Variants in GLRA2 observed in about 807,000 individuals in gnomAD.
The protein encoded by GLRA2 is glycine receptor subunit alpha-2.
GLRA2 carries 11 observed loss-of-function variants against 31.6 expected under a neutral mutation model. The observed-to-expected ratio is 0.35, with a 90% CI of 0.22 to 0.58. The LOEUF (loss-of-function observed/expected upper bound fraction) is 0.58. Among genes scored for constraint, GLRA2 ranks in the 20% least tolerant of loss-of-function variants. GLRA2 has a pLI of 0.84. For synonymous variants in GLRA2, 132 were observed against 134.0 expected, an observed-to-expected ratio of 0.99 and a Z score of 0.10; for missense variants, 212 against 351.8, an observed-to-expected ratio of 0.60 and a Z score of 3.18.
chrX:14,714,527 G>A (rs752825954), intron 8 of GLRA2, among the ~76,000 whole-genome samples: 5 of 111,608 alleles, frequency 4.5e-5, no homozygotes, highest in African/African-American at 1.6e-4. Flanking sequence ...TCCCTATGCC[G>A]CCACCCCAGC....
chrX:14,713,321 G>A (rs2091739470), intron 8 of GLRA2, among the ~76,000 whole-genome samples: 1 of 112,196 alleles, frequency 8.9e-6, no homozygotes, highest in South Asian at 3.7e-4. Flanking sequence ...TCATACTCCA[G>A]ATGGAAGATG....
intron 7 of GLRA2, among the ~76,000 whole-genome samples, chrX:14,612,659 T>A (rs1186713545): frequency 9.0e-6 from 1 of 110,626 alleles, no homozygotes; most frequent in East Asian, 2.9e-4. Flanking sequence ...AAAGGATGAG[T>A]TCATATCCTT....
At chrX:14,550,972 C>T (rs1177829448) in intron 2 of GLRA2, among the ~76,000 whole-genome samples, 1 of 111,871 alleles carries the variant, frequency 8.9e-6, no homozygotes, top group East Asian at 2.8e-4. Flanking sequence ...TTAATAATAA[C>T]ATTGTTGGTT....
chrX:14,564,536 G>A (rs759589734), intron 2 of GLRA2, among the ~76,000 whole-genome samples: 2 of 112,007 alleles, frequency 1.8e-5, no homozygotes, highest in South Asian at 7.4e-4. Context: ...CTCCAGTAAA[G>A]GTAAATGTAT....
At chrX:14,601,692 T>G (rs752922669) in intron 4 of GLRA2, among the ~76,000 whole-genome samples, 1 of 112,027 alleles carries the variant, frequency 8.9e-6, no homozygotes, top group African/African-American at 3.2e-5. Flanking sequence ...CAGCGTGGAT[T>G]CTTTGTCTAA....
Position 14,652,465 on chromosome X carries a change from G to A in GLRA2, c.931-38245G>A, listed in dbSNP as rs148692470. On this transcript the variant is annotated intron_variant, in intron 7 of 8. Coordinates refer to ENST00000218075, the MANE Select transcript of GLRA2 (RefSeq NM_002063.4). ...ATTTTCTACAAATTGAAGATTTGTC[G>A]CAACCCTGCACCAAGCAAGTCTATA... 7.2e-3 allele frequency among the ~76,000 whole-genome samples: 795 copies of A among 111,050 alleles called. 8 individuals carry two copies. The highest frequency in any genetic ancestry group is 0.025 in the African/African-American group (753 of 30,547).
At chrX:14,645,499 C>T (rs981748996) in intron 7 of GLRA2, among the ~76,000 whole-genome samples, 1 of 111,346 alleles carries the variant, frequency 9.0e-6, no homozygotes, top group Non-Finnish European at 1.9e-5. Context: ...TCTATGTTCC[C>T]TCCTTTCCTC....
intron 3 of GLRA2, 44 bp downstream of exon 3, chrX:14,574,444 T>G: frequency 8.6e-7 from 1 of 1,156,223 alleles, no homozygotes; most frequent in Non-Finnish European, 1.2e-6. Flanking sequence ...CACAACTCAA[T>G]TATGCTGTGA....
At chrX:14,592,570 G>A (rs990317088) in intron 4 of GLRA2, among the ~76,000 whole-genome samples, 1 of 111,248 alleles carries the variant, frequency 9.0e-6, no homozygotes, top group African/African-American at 3.3e-5. Flanking sequence ...TACTTAGGGG[G>A]CTGAGGCAGG....
chrX:14,667,061 T>C (rs2091044540), intron 7 of GLRA2, among the ~76,000 whole-genome samples: 1 of 112,421 alleles, frequency 8.9e-6, no homozygotes, highest in Non-Finnish European at 1.9e-5. Flanking sequence ...GGTGATTTGT[T>C]GACTTATTGC....
chrX:14,476,352 A>C, the GLRA2 span, among the ~76,000 whole-genome samples: 1 of 111,947 alleles, frequency 8.9e-6, no homozygotes, highest in Non-Finnish European at 1.9e-5. Flanking sequence ...TGTAATGAAC[A>C]TATTGGATTC....
intron 2 of GLRA2, among the ~76,000 whole-genome samples, chrX:14,572,096 A>G (rs1481500759): frequency 8.9e-6 from 1 of 111,985 alleles, no homozygotes; most frequent in African/African-American, 3.2e-5. Context: ...CACTTAGCAC[A>G]GTGCAGCAAT....
At chrX:14,606,221 C>T (rs886136174) in intron 5 of GLRA2, among the ~76,000 whole-genome samples, 28 of 107,656 alleles carry the variant, frequency 2.6e-4, no homozygotes, top group African/African-American at 8.8e-4. Flanking sequence ...TATCCTCTGT[C>T]CTCATCACTC....
At chrX:14,566,440 C>G (rs958543669) in intron 2 of GLRA2, among the ~76,000 whole-genome samples, 27 of 111,989 alleles carry the variant, frequency 2.4e-4, no homozygotes, top group African/African-American at 7.5e-4. Flanking sequence ...TTAACTCATT[C>G]TATGAGTCCA....
the GLRA2 span, among the ~76,000 whole-genome samples, chrX:14,488,588 C>T: frequency 6.2e-5 from 7 of 112,397 alleles, no homozygotes; most frequent in African/African-American, 1.6e-4. Flanking sequence ...CATTTTAAAG[C>T]CACAAATGTT....
At chrX:14,483,383 G>A in the GLRA2 span, among the ~76,000 whole-genome samples, 3 of 112,054 alleles carry the variant, frequency 2.7e-5, no homozygotes, top group Non-Finnish European at 5.6e-5. Flanking sequence ...TAGGCCTAAC[G>A]TGACTATACC....
At chrX:14,686,163 T>A (rs1487951533) in intron 7 of GLRA2, among the ~76,000 whole-genome samples, 1 of 112,270 alleles carries the variant, frequency 8.9e-6, no homozygotes, top group Non-Finnish European at 1.9e-5. Context: ...TTGATTGCAC[T>A]GTGGTCTGAG....
chrX:14,720,707 G>A (rs997252769), intron 8 of GLRA2, among the ~76,000 whole-genome samples: 38 of 111,669 alleles, frequency 3.4e-4, no homozygotes, highest in African/African-American at 9.8e-4. Flanking sequence ...CTATAAGAAG[G>A]GGCACTTGTT....
At chrX:14,452,775 G>A in the GLRA2 span, among the ~76,000 whole-genome samples, 3 of 112,121 alleles carry the variant, frequency 2.7e-5, no homozygotes, top group Non-Finnish European at 5.6e-5. Context: ...TGCAGGTACA[G>A]TGGCTGGAAT....
Sources: allele counts gnomAD v4.1 joint callset (sites outside exome capture counted in the v4.1 genomes callset), GRCh38; gene constraint gnomAD v4.1.1; transcripts MANE v1.5; gene names NCBI Gene and HGNC (gene_info 2026-07-23, HGNC 2026-07-21).